The following DCC variants were observed in gnomAD, a reference collection of about 807,000 sequenced individuals.
DCC encodes netrin receptor DCC.
Under a neutral mutation model 172.5 loss-of-function variants are expected in DCC, and 58 were observed. The ratio of observed to expected loss-of-function variants is 0.34; its 90% confidence interval spans 0.27 to 0.42. The LOEUF (loss-of-function observed/expected upper bound fraction) is 0.42, where lower values mean the gene tolerates loss of function less well. Among genes scored for constraint, DCC ranks in the 10% least tolerant of loss-of-function variants. The pLI, the probability that DCC is intolerant of heterozygous loss-of-function variation, is 1.00. For synonymous variants in DCC, 709 were observed against 644.5 expected (o/e 1.10, Z -1.52); for missense variants, 1,740 against 1,791.0 (o/e 0.97, Z 0.51).
intron 26 of DCC, among the ~76,000 whole-genome samples, chr18:53,496,434 G>A (rs1181466720): frequency 2.1e-5 from 3 of 144,060 alleles, no homozygotes; most frequent in East Asian, 4.1e-4. Context: ...GGATGTCCAC[G>A]AAGAGACTCC....
intron 2 of DCC, among the ~76,000 whole-genome samples, chr18:52,846,982 ATATG>A (rs2038904498): frequency 6.6e-6 from 1 of 152,148 alleles, no homozygotes; most frequent in Non-Finnish European, 1.5e-5. Flanking sequence ...CCTGACTTCA[ATATG>A]TAAGTGTTAT....
At chr18:53,463,791 A>G (rs969344087) in intron 24 of DCC, among the ~76,000 whole-genome samples, 1 of 152,228 alleles carries the variant, frequency 6.6e-6, no homozygotes, top group Middle Eastern at 3.2e-3. Context: ...ATACTTTTAT[A>G]TAAGTACTTT....
At chr18:52,401,465 G>A (rs557106817) in intron 1 of DCC, among the ~76,000 whole-genome samples, 4 of 152,106 alleles carry the variant, frequency 2.6e-5, no homozygotes, top group Admixed American at 2.0e-4. Flanking sequence ...TTGACCTTTA[G>A]CAAGTCAACT....
intron 1 of DCC, among the ~76,000 whole-genome samples, chr18:52,357,283 A>G (rs762386563): frequency 6.6e-6 from 1 of 152,198 alleles, no homozygotes; most frequent in African/African-American, 2.4e-5. Context: ...TGCAGAAAAC[A>G]TACAAGATAA....
At chr18:53,034,898 C>A in intron 5 of DCC, among the ~76,000 whole-genome samples, 1 of 152,008 alleles carries the variant, frequency 6.6e-6, no homozygotes, top group Admixed American at 6.6e-5. Flanking sequence ...GCTGTTCTCC[C>A]TGCCTCAGAT....
chr18:52,471,636 C>CA (rs1384814660), intron 1 of DCC, among the ~76,000 whole-genome samples: 1 of 152,068 alleles, frequency 6.6e-6, no homozygotes, highest in East Asian at 1.9e-4. Flanking sequence ...GCATGAGGGA[C>CA]AAAAAATTAT....
At chr18:52,623,725 T>TC (rs1358249159) in intron 1 of DCC, among the ~76,000 whole-genome samples, 1 of 152,204 alleles carries the variant, frequency 6.6e-6, no homozygotes, top group Non-Finnish European at 1.5e-5. Context: ...TGTTCTATTT[T>TC]CTTTTTCTAT....
chr18:52,488,745 T>C (rs1434924955), intron 1 of DCC, among the ~76,000 whole-genome samples: 1 of 152,102 alleles, frequency 6.6e-6, no homozygotes, highest in African/African-American at 2.4e-5. Flanking sequence ...CACATCTTGC[T>C]GTTTCTAGGC....
chr18:52,463,489 C>T (rs1257927888), intron 1 of DCC, among the ~76,000 whole-genome samples: 1 of 152,132 alleles, frequency 6.6e-6, no homozygotes, highest in Non-Finnish European at 1.5e-5. Context: ...GTGCTAAGAA[C>T]TATTATCTTA....
chr18:52,525,077 A>G (rs1387336019), intron 1 of DCC, among the ~76,000 whole-genome samples: 1 of 152,070 alleles, frequency 6.6e-6, no homozygotes, highest in African/African-American at 2.4e-5. Context: ...AAGTTAAATT[A>G]TCCTCATATA....
At chr18:53,069,463 C>G (rs1468927157) in intron 7 of DCC, among the ~76,000 whole-genome samples, 1 of 152,104 alleles carries the variant, frequency 6.6e-6, no homozygotes, top group Non-Finnish European at 1.5e-5. Flanking sequence ...GAGGCTGTGC[C>G]AACCAAGACA....
chr18:52,426,850 TAACAAA>T (rs1987445798), intron 1 of DCC, among the ~76,000 whole-genome samples: 1 of 152,128 alleles, frequency 6.6e-6, no homozygotes, highest in African/African-American at 2.4e-5. Context: ...GTGATTATAA[TAACAAA>T]AAATCCATTT....
chr18:53,084,599 C>T (rs1314768778), intron 7 of DCC, among the ~76,000 whole-genome samples: 1 of 152,138 alleles, frequency 6.6e-6, no homozygotes, highest in Non-Finnish European at 1.5e-5. Context: ...TAACTGGTTC[C>T]CAGCTTTGAA....
intron 5 of DCC, among the ~76,000 whole-genome samples, chr18:52,939,866 T>C (rs1002705203): frequency 6.6e-6 from 1 of 152,134 alleles, no homozygotes; most frequent in African/African-American, 2.4e-5. Flanking sequence ...AATGAGCTGG[T>C]CAAACAAGTA....
At chr18:52,495,815 A>G (rs541563647) in intron 1 of DCC, among the ~76,000 whole-genome samples, 1 of 150,806 alleles carries the variant, frequency 6.6e-6, no homozygotes, top group Non-Finnish European at 1.5e-5. Flanking sequence ...TTGTTCTGAG[A>G]CAATATTATT....
chr18:52,727,247 G>A (rs2036565477), intron 1 of DCC, among the ~76,000 whole-genome samples: 1 of 152,184 alleles, frequency 6.6e-6, no homozygotes, highest in African/African-American at 2.4e-5. Context: ...ATTTGAAAAT[G>A]AAAATAGTAC....
chr18:53,097,769 C>G (rs778388072), intron 7 of DCC, among the ~76,000 whole-genome samples: 47 of 152,220 alleles, frequency 3.1e-4, no homozygotes, highest in African/African-American at 5.8e-4. Context: ...AGAAGGCCAC[C>G]TTCTTACTGT....
At chr18:52,691,151 C>G (rs2035924168) in intron 1 of DCC, among the ~76,000 whole-genome samples, 1 of 152,104 alleles carries the variant, frequency 6.6e-6, no homozygotes, top group Non-Finnish European at 1.5e-5. Context: ...AAAGAGAAAG[C>G]TGTTGTTGCC....
At position 53,527,698 on chromosome 18, in the gene DCC, G is replaced by GA. The variant is rs915838298; in HGVS notation, c.4254+949dup. Among the ~76,000 whole-genome samples the GA allele has an allele frequency of 4.8e-3, 696 of 145,158 alleles. 9 individuals are homozygous for GA. The highest frequency in any genetic ancestry group is 0.014 in the Middle Eastern group (4 of 276). ...GAAGGGGAAAAAATCAGAATTTTAA[G>GA]AAAAAAAAAACATTTATCCCGAAAA... On this transcript the variant is annotated intron_variant, in intron 28 of 28. Coordinates refer to ENST00000442544, the MANE Select transcript of DCC (RefSeq NM_005215.4).
Sources: gnomAD v4.1 joint callset for allele counts (sites outside exome capture counted in the v4.1 genomes callset) on GRCh38, gnomAD v4.1.1 for gene constraint, MANE v1.5 for transcripts, NCBI Gene and HGNC (gene_info 2026-07-23, HGNC 2026-07-21) for gene names.